SLC39A11: variants seen among roughly 807,000 people sequenced by gnomAD.
SLC39A11 encodes zinc transporter ZIP11.
SLC39A11 carries 33 observed loss-of-function variants against 36.1 expected under a neutral mutation model. That is an observed-to-expected ratio of 0.91 (90% CI 0.69 to 1.22). SLC39A11 has a LOEUF of 1.22. SLC39A11 is among the 50% of genes most tolerant of loss of function. The pLI is 0.00. For synonymous variants in SLC39A11, 166 were observed against 170.3 expected (o/e 0.97, Z 0.20); for missense variants, 432 against 430.3 (o/e 1.00, Z -0.03).
intron 4 of SLC39A11, among the ~76,000 whole-genome samples, chr17:73,005,309 C>G (rs1296663262): frequency 6.6e-6 from 1 of 152,172 alleles, no homozygotes; most frequent in Non-Finnish European, 1.5e-5. Flanking sequence ...AGCCTGAACC[C>G]ACAACTTGTG....
At chr17:72,897,641 G>T (rs2082098502) in intron 5 of SLC39A11, among the ~76,000 whole-genome samples, 1 of 152,186 alleles carries the variant, frequency 6.6e-6, no homozygotes, top group Admixed American at 6.6e-5. Flanking sequence ...ATCCTTGTGA[G>T]TTCAGCATCT....
At position 72,900,225 on chromosome 17, in the gene SLC39A11, GA is replaced by G. The variant is rs879390446; in HGVS notation, c.430+47526del. 1.4e-3 allele frequency among the ~76,000 whole-genome samples: 199 copies of G among 143,776 alleles called. 9 individuals are homozygous for G. The highest frequency in any genetic ancestry group is 2.6e-3 in the Non-Finnish European group (169 of 63,780). 94.3% of individuals were successfully genotyped at this position (143,776 alleles called of 152,430 possible). On this transcript the variant is annotated intron_variant, in intron 5 of 9. Transcript: ENST00000255559. Reference sequence around the variant, plus strand: ...AGAAAGAAAGAAAGAAAGAAAGAAAGAAAGAAAAAGACAGCAAGGCAAGGAG... The same window carrying G: ...AGAAAGAAAGAAAGAAAGAAAGAAAGAAGAAAAAGACAGCAAGGCAAGGAG...
In SLC39A11 at chr17:72,723,321, A is replaced by AGTGTGT. The variant is rs10570164; in HGVS notation, c.671+13323_671+13328dup. Among the ~76,000 whole-genome samples, 164 of 148,548 alleles carry AGTGTGT rather than the reference A, an allele frequency of 1.1e-3. 1 individual carries two copies. The highest frequency in any genetic ancestry group is 2.4e-3 in the African/African-American group (97 of 40,120). On this transcript the variant is annotated intron_variant, in intron 7 of 9. Transcript: ENST00000255559. ...TTCTTTGTCTTTGTAGGAGTGTAAG[A>AGTGTGT]GTGTGTGTGTGTGTGTGTGTGTGTG... is the stretch of plus-strand genomic sequence containing the variant.
At chr17:72,909,499 G>A (rs1017799129) in intron 5 of SLC39A11, among the ~76,000 whole-genome samples, 11 of 152,134 alleles carry the variant, frequency 7.2e-5, no homozygotes, top group African/African-American at 2.7e-4. Flanking sequence ...AGAAAGAACT[G>A]GTCCAGGGGT....
intron 7 of SLC39A11, among the ~76,000 whole-genome samples, chr17:72,699,600 T>C (rs557242719): frequency 6.6e-6 from 1 of 152,310 alleles, no homozygotes; most frequent in Non-Finnish European, 1.5e-5. Flanking sequence ...GGCTGAAACA[T>C]ATTTCTAGAA....
intron 5 of SLC39A11, among the ~76,000 whole-genome samples, chr17:72,908,517 G>C (rs8077556): frequency 0.12 from 18,702 of 152,174 alleles, 1,596 homozygotes; most frequent in African/African-American, 0.25. Context: ...CCAAGGGCAG[G>C]AGAACTGTCC....
At chr17:72,790,462 G>A (rs928063896) in intron 6 of SLC39A11, among the ~76,000 whole-genome samples, 2 of 152,070 alleles carry the variant, frequency 1.3e-5, no homozygotes, top group Non-Finnish European at 2.9e-5. Flanking sequence ...GACCTGAAGC[G>A]CTGCTTCTCC....
In SLC39A11 at chr17:72,801,702, A is replaced by G. The variant is rs548477444; in HGVS notation, c.601+47932T>C. Reference sequence around the variant, plus strand: ...TCTTCAGGATGGCATTTTAAAAAAGAAAAATTTACTATGTATATCTATGAG... The same window carrying G: ...TCTTCAGGATGGCATTTTAAAAAAGGAAAATTTACTATGTATATCTATGAG... On this transcript the variant is annotated intron_variant, in intron 6 of 9. Transcript: ENST00000255559. Among the ~76,000 whole-genome samples, 135 of 152,352 alleles carry G rather than the reference A, an allele frequency of 8.9e-4. 6 individuals carry two copies. The South Asian group carries it at 0.026, about 30-fold the overall frequency.
At chr17:73,087,146 CAAT>C (rs2060760769) in intron 2 of SLC39A11, among the ~76,000 whole-genome samples, 1 of 152,146 alleles carries the variant, frequency 6.6e-6, no homozygotes, top group South Asian at 2.1e-4. Context: ...TGGCCCCTGG[CAAT>C]CACCATTCTA....
At chr17:72,966,944 G>A (rs559417382) in intron 4 of SLC39A11, among the ~76,000 whole-genome samples, 51 of 152,232 alleles carry the variant, frequency 3.4e-4, no homozygotes, top group Admixed American at 1.9e-3. Context: ...GATCAGCAGC[G>A]GCATTAGATT....
At chr17:73,052,533 G>T (rs2143956908) in intron 3 of SLC39A11, among the ~76,000 whole-genome samples, 1 of 152,278 alleles carries the variant, frequency 6.6e-6, no homozygotes, top group Non-Finnish European at 1.5e-5. Flanking sequence ...AGAGAGGACA[G>T]AGGACCAGCC....
chr17:72,910,623 CA>C (rs759842114), intron 5 of SLC39A11, among the ~76,000 whole-genome samples: 135 of 50,004 alleles, frequency 2.7e-3, no homozygotes, highest in African/African-American at 9.8e-3. Flanking sequence ...GACTCCGTCT[CA>C]AAAAAAAAAA....
At chr17:73,004,064 C>T (rs750249242) in intron 4 of SLC39A11, among the ~76,000 whole-genome samples, 6 of 145,936 alleles carry the variant, frequency 4.1e-5, no homozygotes, top group African/African-American at 1.5e-4. Context: ...CCAGCCTGGG[C>T]GACAGAGCAA....
chr17:72,961,507 G>A (rs1318306745), intron 4 of SLC39A11, among the ~76,000 whole-genome samples: 2 of 151,782 alleles, frequency 1.3e-5, no homozygotes, highest in East Asian at 1.9e-4. Context: ...ATCAATGACA[G>A]ACTGGATTAA....
intron 3 of SLC39A11, among the ~76,000 whole-genome samples, chr17:73,057,443 T>C (rs552948053): frequency 7.0e-4 from 106 of 152,358 alleles, no homozygotes; most frequent in Non-Finnish European, 1.1e-3. Context: ...CTTTCTATCC[T>C]CCTCTGCCTA....
intron 5 of SLC39A11, among the ~76,000 whole-genome samples, chr17:72,904,780 G>A (rs2082564618): frequency 6.6e-6 from 1 of 152,152 alleles, no homozygotes; most frequent in African/African-American, 2.4e-5. Context: ...TCACAAATGT[G>A]GTCCCCGAAG....
chr17:72,900,018 GAA>G (rs2082246924), intron 5 of SLC39A11, among the ~76,000 whole-genome samples: 3 of 141,422 alleles, frequency 2.1e-5, no homozygotes, highest in Non-Finnish European at 3.0e-5. Context: ...GAGAGAGAGA[GAA>G]AGAGAGAGAG....
intron 7 of SLC39A11, among the ~76,000 whole-genome samples, chr17:72,675,069 G>A (rs528647380): frequency 3.9e-5 from 6 of 151,984 alleles, no homozygotes; most frequent in African/African-American, 1.5e-4. Flanking sequence ...ACTGCCCCCC[G>A]CTTCCATACA....
chr17:72,946,881 C>A (rs1468586102), intron 5 of SLC39A11, among the ~76,000 whole-genome samples: 1 of 152,230 alleles, frequency 6.6e-6, no homozygotes, highest in African/African-American at 2.4e-5. Context: ...AGGGCAACAG[C>A]CCACTCTGCA....
Sources: allele counts gnomAD v4.1 joint callset (sites outside exome capture counted in the v4.1 genomes callset), GRCh38; gene constraint gnomAD v4.1.1; transcripts MANE v1.5; gene names NCBI Gene and HGNC (gene_info 2026-07-23, HGNC 2026-07-21).